The following RAB38 variants were observed in gnomAD, a reference collection of about 807,000 sequenced individuals.
RAB38 encodes the protein RAB38, member RAS oncogene family, also known as ras-related protein Rab-38.
RAB38 carries 15 observed loss-of-function variants against 18.4 expected under a neutral mutation model. That is an observed-to-expected ratio of 0.82 (90% CI 0.55 to 1.26). The LOEUF (loss-of-function observed/expected upper bound fraction) is 1.26, where lower values mean the gene tolerates loss of function less well. RAB38 is among the 50% of genes most tolerant of loss of function. RAB38 has a pLI of 0.00. For missense variants in RAB38, 294 were observed against 267.4 expected, an observed-to-expected ratio of 1.10 and a Z score of -0.69; for synonymous variants, 101 against 104.4, an observed-to-expected ratio of 0.97 and a Z score of 0.20.
At chr11:88,151,992 G>A (rs1353919110) in intron 1 of RAB38, among the ~76,000 whole-genome samples, 1 of 152,180 alleles carries the variant, frequency 6.6e-6, no homozygotes, top group Non-Finnish European at 1.5e-5. Context: ...ACGAAAGAAA[G>A]GGGCAAAATA....
At chr11:88,173,551 T>A in intron 1 of RAB38, 1 of 985,432 alleles carries the variant, frequency 1.0e-6, no homozygotes, top group Middle Eastern at 5.2e-4. Flanking sequence ...ACATAGAACT[T>A]CTCTGCTGTC....
the RAB38 span, among the ~76,000 whole-genome samples, chr11:87,884,885 A>T: frequency 6.6e-6 from 1 of 152,044 alleles, no homozygotes; most frequent in South Asian, 2.1e-4. Flanking sequence ...GATGATTCCA[A>T]TGTTGATTAT....
the RAB38 span, among the ~76,000 whole-genome samples, chr11:87,963,152 A>G: frequency 6.6e-6 from 1 of 152,190 alleles, no homozygotes; most frequent in African/African-American, 2.4e-5. Context: ...CTGTAACAGT[A>G]TATTAATTCT....
At chr11:87,884,328 G>A in the RAB38 span, among the ~76,000 whole-genome samples, 1 of 151,952 alleles carries the variant, frequency 6.6e-6, no homozygotes, top group Admixed American at 6.6e-5. Context: ...ATTCCTTGGG[G>A]AGGAAGATAA....
At chr11:88,006,609 T>C in the RAB38 span, among the ~76,000 whole-genome samples, 123 of 104,066 alleles carry the variant, frequency 1.2e-3, 1 homozygote, top group African/African-American at 3.6e-3. Context: ...ATATACACAT[T>C]ATATATATGT....
At chr11:87,976,321 A>G in the RAB38 span, among the ~76,000 whole-genome samples, 1 of 136,386 alleles carries the variant, frequency 7.3e-6, no homozygotes, top group South Asian at 2.2e-4. Context: ...CATATACCAG[A>G]GTTTTTTATA....
the RAB38 span, among the ~76,000 whole-genome samples, chr11:87,923,259 G>C: frequency 2.0e-5 from 3 of 151,858 alleles, no homozygotes; most frequent in Non-Finnish European, 2.9e-5. Flanking sequence ...AAACCGGAAA[G>C]AGACGGTTTC....
intron 1 of RAB38, among the ~76,000 whole-genome samples, chr11:88,155,521 TAAAGAA>T (rs1188916210): frequency 2.6e-5 from 4 of 150,944 alleles, no homozygotes; most frequent in Admixed American, 6.6e-5. Flanking sequence ...GATAGAGAAA[TAAAGAA>T]AAAGAAAAAA....
At chr11:87,940,376 G>C in the RAB38 span, among the ~76,000 whole-genome samples, 1 of 152,030 alleles carries the variant, frequency 6.6e-6, no homozygotes, top group East Asian at 1.9e-4. Flanking sequence ...AATAATACAA[G>C]TGCTAATTTC....
chr11:87,977,948 A>G, the RAB38 span, among the ~76,000 whole-genome samples: 208 of 113,346 alleles, frequency 1.8e-3, no homozygotes, highest in Admixed American at 3.2e-3. Context: ...TAATATATTA[A>G]TATAATATAT....
intron 2 of RAB38, among the ~76,000 whole-genome samples, chr11:88,139,834 A>G (rs1942884174): frequency 6.6e-6 from 1 of 152,246 alleles, no homozygotes; most frequent in South Asian, 2.1e-4. Context: ...GCTAGACTGG[A>G]TCTGAAGTCT....
At chr11:87,894,828 G>A in the RAB38 span, among the ~76,000 whole-genome samples, 1 of 150,796 alleles carries the variant, frequency 6.6e-6, no homozygotes, top group Admixed American at 6.6e-5. Context: ...ATATCTCTAT[G>A]ACATGAGGTG....
chr11:87,840,268 A>G, the RAB38 span, among the ~76,000 whole-genome samples: 1 of 152,190 alleles, frequency 6.6e-6, no homozygotes, highest in Admixed American at 6.5e-5. Flanking sequence ...GAGCTAGAGA[A>G]GAGAAATAAA....
chr11:88,123,003 G>A (rs756938586), intron 2 of RAB38, among the ~76,000 whole-genome samples: 18 of 152,144 alleles, frequency 1.2e-4, no homozygotes, highest in Non-Finnish European at 1.6e-4. Context: ...GAGGCCAATC[G>A]TCACTATATT....
At position 88,163,067 on chromosome 11, in the gene RAB38, C is replaced by T. The variant is rs971375699; in HGVS notation, c.202+12116G>A. On this transcript the variant is annotated intron_variant, in intron 1 of 2. Transcript: ENST00000243662. ...CACAGCACTGACTAACTGGATCATT[C>T]GCTCAACCATTTGATCAGGCCCTGC... is the stretch of plus-strand genomic sequence containing the variant. Among the ~76,000 whole-genome samples, 5 of 152,238 alleles carry T rather than the reference C, an allele frequency of 3.3e-5. No homozygotes were observed. The South Asian group carries it at 8.3e-4, about 25-fold the overall frequency.
chr11:88,169,664 G>A (rs958743641), intron 1 of RAB38, among the ~76,000 whole-genome samples: 10 of 152,300 alleles, frequency 6.6e-5, no homozygotes, highest in African/African-American at 1.9e-4. Context: ...CAGCCCTGAC[G>A]CACTCACAGG....
chr11:87,966,439 G>C, the RAB38 span, among the ~76,000 whole-genome samples: 3 of 152,036 alleles, frequency 2.0e-5, no homozygotes, highest in African/African-American at 7.2e-5. Context: ...GGTTTTCCAA[G>C]GTACTCAGAT....
rs374241827 is a variant in RAB38 at position 88,175,174 on chromosome 11, C to A, written c.202+9G>T. The A allele has an allele frequency of 1.9e-6, 3 of 1,588,810 alleles. No individual in the cohort carries two copies. Among genetic ancestry groups the A allele is most frequent in the Middle Eastern group, 1.8e-4 (1 of 5,628 alleles). ...CTCTATCCCCCTGACCCCCTCCCCCCGCGCTCACCTGCGATATCCCAGAGC... is the reference window on the plus strand; with the variant it reads ...CTCTATCCCCCTGACCCCCTCCCCCAGCGCTCACCTGCGATATCCCAGAGC... On this transcript the variant is annotated intron_variant, in intron 1 of 2. Coordinates refer to ENST00000243662, the MANE Select transcript of RAB38 (RefSeq NM_022337.3).
At chr11:88,078,671 A>C in the RAB38 span, among the ~76,000 whole-genome samples, 3 of 151,952 alleles carry the variant, frequency 2.0e-5, no homozygotes, top group African/African-American at 7.2e-5. Context: ...GGAGCTTAAA[A>C]AGTGGATCCC....
Sources: allele counts gnomAD v4.1 joint callset (sites outside exome capture counted in the v4.1 genomes callset), GRCh38; gene constraint gnomAD v4.1.1; transcripts MANE v1.5; gene names NCBI Gene and HGNC (gene_info 2026-07-23, HGNC 2026-07-21).